The following PRPF3 variants were observed in gnomAD, a reference collection of about 807,000 sequenced individuals.
PRPF3 encodes the protein pre-mRNA processing factor 3.
PRPF3 carries 3 observed loss-of-function variants against 89.2 expected under a neutral mutation model. The ratio of observed to expected loss-of-function variants is 0.03; its 90% CI spans 0.02 to 0.09. The LOEUF is 0.09. Ranked by LOEUF, PRPF3 falls within the 10% of genes least tolerant of loss-of-function variation. PRPF3 has a pLI of 1.00. For missense variants in PRPF3, 463 were observed against 828.8 expected, an observed-to-expected ratio of 0.56 and a Z score of 5.42; for synonymous variants, 270 against 289.1, an observed-to-expected ratio of 0.93 and a Z score of 0.67.
intron 15 of PRPF3, among the ~76,000 whole-genome samples, 181 bp from the exon 16 acceptor site, chr1:150,352,652 G>A (rs925172733): frequency 5.9e-5 from 9 of 152,136 alleles, no homozygotes; most frequent in Non-Finnish European, 7.4e-5. Flanking sequence ...GCGACAGAGC[G>A]AGACTCTGTC....
rs181770275 is a variant in PRPF3, at chr1:150,345,344, T to A, written c.1641-674T>A. 1.1e-3 allele frequency among the ~76,000 whole-genome samples: 158 copies of A among 145,546 alleles called. 2 individuals are homozygous for A. The highest frequency in any genetic ancestry group is 4.3e-3 in the African/African-American group (153 of 35,726). On this transcript the variant is annotated intron_variant, in intron 12 of 15. Transcript: ENST00000324862. ...CTATATAGTGATCCTATATATATAT[T>A]TTATTTATTTATTTATTTATTTTGA...
At chr1:150,343,592 T>C in intron 10 of PRPF3, 140 bp downstream of exon 10, 1 of 1,193,528 alleles carries the variant, frequency 8.4e-7, no homozygotes, top group Middle Eastern at 2.4e-4. Flanking sequence ...CCAAGTTTTC[T>C]ACCATCTTTT....
At chr1:150,341,467 A>G (rs782398838) in intron 9 of PRPF3, among the ~76,000 whole-genome samples, 6 of 135,674 alleles carry the variant, frequency 4.4e-5, no homozygotes, top group Non-Finnish European at 9.1e-5. Flanking sequence ...GTGCAACGGC[A>G]TGATCTCAGC....
At chr1:150,350,732 G>T (rs985759193) in intron 15 of PRPF3, among the ~76,000 whole-genome samples, 2 of 152,056 alleles carry the variant, frequency 1.3e-5, no homozygotes, top group African/African-American at 4.8e-5. Context: ...AGGATGAGGT[G>T]GTTGGATCAC....
intron 7 of PRPF3, among the ~76,000 whole-genome samples, chr1:150,337,065 G>T (rs1232105813): frequency 8.2e-6 from 1 of 121,278 alleles, no homozygotes; most frequent in Admixed American, 9.0e-5. Flanking sequence ...TTGAGACGGA[G>T]TCTCGCTCTG....
chr1:150,325,997 G>A (rs1343522077), intron 3 of PRPF3, 116 bp downstream of exon 3: 3 of 1,306,168 alleles, frequency 2.3e-6, no homozygotes, highest in Non-Finnish European at 3.3e-6. Flanking sequence ...ATGTTCAAGA[G>A]AGGTACTTAG....
chr1:150,345,025 G>A (rs1658138309), intron 12 of PRPF3, among the ~76,000 whole-genome samples: 1 of 151,364 alleles, frequency 6.6e-6, no homozygotes, highest in African/African-American at 2.4e-5. Context: ...TTTATATGTT[G>A]TAAATATTTT....
chr1:150,347,150 ATAT>A (rs1253217372), intron 14 of PRPF3, among the ~76,000 whole-genome samples: 1 of 151,932 alleles, frequency 6.6e-6, no homozygotes, highest in Non-Finnish European at 1.5e-5. Context: ...TGTCTATATT[ATAT>A]TATTATTTGA....
Position 150,332,855 on chromosome 1 carries a change from C to T in PRPF3, c.507+88C>T, listed in dbSNP as rs181477834. On this transcript the variant is annotated intron_variant, in intron 5 of 15. Coordinates refer to ENST00000324862, the MANE Select transcript of PRPF3 (RefSeq NM_004698.4). ...CAAAATGAGAGACTAGAAGAGGTGA[C>T]TACATGTTTCACTTCATAATCATCT... is the stretch of plus-strand genomic sequence containing the variant. 1.8e-5 allele frequency: 27 copies of T among 1,504,280 alleles called. No individual in the cohort carries two copies. The East Asian group carries it at 3.2e-4, about 18-fold the overall frequency. 93.2% of individuals were successfully genotyped at this position (1,504,280 alleles called of 1,614,324 possible).
At chr1:150,332,859 AT>A in intron 5 of PRPF3, 92 bp downstream of exon 5, 2 of 1,499,940 alleles carry the variant, frequency 1.3e-6, no homozygotes, top group South Asian at 1.1e-5. Flanking sequence ...AGGTGACTAC[AT>A]GTTTCACTTC....
intron 15 of PRPF3, among the ~76,000 whole-genome samples, chr1:150,349,882 T>TGGGGGCGGGGGGGCGG (rs58307408): frequency 1.9e-4 from 19 of 97,618 alleles, no homozygotes; most frequent in South Asian, 1.2e-3. Context: ...TATCTTTTTT[T>TGGGGGCGGGGGGGCGG]GGGGGCGGGG....
At chr1:150,331,880 CTT>C (rs1221058117) in intron 4 of PRPF3, among the ~76,000 whole-genome samples, 8 of 152,044 alleles carry the variant, frequency 5.3e-5, no homozygotes, top group African/African-American at 1.7e-4. Flanking sequence ...ACCATCGTCT[CTT>C]GTTTCCCAAA....
At chr1:150,349,486 ATTAT>A (rs1386408283) in intron 15 of PRPF3, among the ~76,000 whole-genome samples, 3 of 152,178 alleles carry the variant, frequency 2.0e-5, no homozygotes, top group African/African-American at 7.2e-5. Flanking sequence ...TCTACCGAAA[ATTAT>A]TTATTTCACA....
chr1:150,341,400 ATTTTTTTTTTTT>A (rs1169772517), intron 9 of PRPF3, among the ~76,000 whole-genome samples: 2 of 101,906 alleles, frequency 2.0e-5, no homozygotes, highest in Admixed American at 2.6e-4. Context: ...AGTTGCTTCT[ATTTTTTTTTTTT>A]TTTTTTTTTT....
chr1:150,337,917 A>G (rs1553868614), intron 7 of PRPF3, among the ~76,000 whole-genome samples: 1 of 152,064 alleles, frequency 6.6e-6, no homozygotes, highest in African/African-American at 2.4e-5. Flanking sequence ...TCTACTAAAA[A>G]TACAAAATTA....
At chr1:150,339,111 A>G (rs1657381734) in intron 8 of PRPF3, among the ~76,000 whole-genome samples, 1 of 151,588 alleles carries the variant, frequency 6.6e-6, no homozygotes, top group African/African-American at 2.4e-5. Flanking sequence ...GACACCTGTT[A>G]TTCCAGCACT....
rs71083901 is a variant in PRPF3, at chr1:150,323,173, C to CTTTTTTTTTTTTTTTTT, written c.-49+1589_-49+1605dup. Among the ~76,000 whole-genome samples, 6 of 48,270 alleles carry CTTTTTTTTTTTTTTTTT rather than the reference C, an allele frequency of 1.2e-4. 1 individual carries two copies. The highest frequency in any genetic ancestry group is 4.8e-4 in the African/African-American group (5 of 10,334). The allele number at this position is 48,270 out of a possible 152,430, so 31.7% of individuals were successfully genotyped here. ...TACAGGCGTGAGCCACCGCACCTGG[C>CTTTTTTTTTTTTTTTTT]TTTTTTTTTTTTTTTTTTTTTTTTG... is the stretch of plus-strand genomic sequence containing the variant. On this transcript the variant is annotated intron_variant, in intron 1 of 15. Coordinates refer to ENST00000324862, the MANE Select transcript of PRPF3 (RefSeq NM_004698.4).
Position 150,353,038 on chromosome 1 carries a change from A to G in PRPF3, c.*59A>G. 2 of 1,606,186 alleles carry G rather than the reference A, an allele frequency of 1.2e-6. No homozygotes were observed. The highest frequency in any genetic ancestry group is 1.7e-6 in the Non-Finnish European group (2 of 1,173,716). On this transcript the variant is annotated 3_prime_UTR_variant, in exon 16 of 16. Transcript: ENST00000324862. ...CTTTGTCTCTTCAGTCCTCTCACTTATTCTATTTCCCAACCCCCTCCCACT... is the reference window on the plus strand; with the variant it reads ...CTTTGTCTCTTCAGTCCTCTCACTTGTTCTATTTCCCAACCCCCTCCCACT...
rs1553871998 is a variant in PRPF3, at chr1:150,343,434, C to T, written c.1408C>T (p.Pro470Ser). 1 of 1,613,312 alleles carries T rather than the reference C, an allele frequency of 6.2e-7. No individual in the cohort carries two copies. Among genetic ancestry groups the T allele is most frequent in the Non-Finnish European group, 8.5e-7 (1 of 1,179,522 alleles). ...AGAAAAAGTCAGGCTGGGCCTGATGCCTCCTCCAGAACCCAAAGGTGCATT... is the reference window on the plus strand; with the variant it reads ...AGAAAAAGTCAGGCTGGGCCTGATGTCTCCTCCAGAACCCAAAGGTGCATT... ...LQEKVRLGLM[P>S]PPEPKVRISN... Residue 470 changes from proline (P) to serine (S), a missense_variant, in exon 10 of 16, where the codon CCT becomes TCT. Coordinates refer to ENST00000324862, the MANE Select transcript of PRPF3 (RefSeq NM_004698.4).
Sources: gnomAD v4.1 joint callset for allele counts (sites outside exome capture counted in the v4.1 genomes callset) on GRCh38, gnomAD v4.1.1 for gene constraint, MANE v1.5 for transcripts, NCBI Gene and HGNC (gene_info 2026-07-23, HGNC 2026-07-21) for gene names.